SHANK2: variants seen among roughly 807,000 people sequenced by gnomAD.
The protein encoded by SHANK2 is SH3 and multiple ankyrin repeat domains 2, also known as SH3 and multiple ankyrin repeat domains protein 2.
A neutral mutation model predicts 133.7 loss-of-function variants in SHANK2; 43 were observed. The observed-to-expected ratio is 0.32, with a 90% CI of 0.25 to 0.41. SHANK2 has a LOEUF of 0.41. SHANK2 is among the 10% of genes least tolerant of loss of function. The pLI, the probability that SHANK2 is intolerant of heterozygous loss-of-function variation, is 1.00. For missense variants in SHANK2, 1,994 were observed against 2,235.8 expected (o/e 0.89, Z 2.18); for synonymous variants, 1,017 against 952.8 (o/e 1.07, Z -1.24).
At chr11:70,910,600 G>A (rs1402533453) in intron 10 of SHANK2, among the ~76,000 whole-genome samples, 1 of 152,164 alleles carries the variant, frequency 6.6e-6, no homozygotes, top group Non-Finnish European at 1.5e-5. Context: ...TTGAGGTCAG[G>A]AGTTCGAGAC....
chr11:70,574,708 G>T (rs2060093706), intron 17 of SHANK2, among the ~76,000 whole-genome samples: 1 of 152,128 alleles, frequency 6.6e-6, no homozygotes, highest in South Asian at 2.1e-4. Flanking sequence ...TGTGCACTGG[G>T]GACCAGGCCG....
chr11:70,737,989 C>T (rs1477764912), intron 14 of SHANK2, among the ~76,000 whole-genome samples: 3 of 152,262 alleles, frequency 2.0e-5, no homozygotes, highest in African/African-American at 7.2e-5. Flanking sequence ...TGGGCCCAGG[C>T]CTCATGATGC....
At chr11:70,606,825 C>T (rs1457932060) in intron 17 of SHANK2, among the ~76,000 whole-genome samples, 1 of 152,172 alleles carries the variant, frequency 6.6e-6, no homozygotes, top group East Asian at 1.9e-4. Flanking sequence ...CAGGAAGATA[C>T]GGAAGGGAGG....
chr11:70,738,777 C>T (rs1241257555), intron 14 of SHANK2, among the ~76,000 whole-genome samples: 1 of 152,206 alleles, frequency 6.6e-6, no homozygotes, highest in African/African-American at 2.4e-5. Flanking sequence ...AGAAGCCGCC[C>T]GCCTCTTTGG....
intron 1 of SHANK2, among the ~76,000 whole-genome samples, chr11:71,238,560 A>G (rs986203029): frequency 6.6e-5 from 10 of 151,668 alleles, no homozygotes; most frequent in African/African-American, 2.4e-4. Flanking sequence ...TGAACCCAAC[A>G]CTCCCCAAAG....
chr11:70,499,076 C>A (rs2059013413), intron 21 of SHANK2, among the ~76,000 whole-genome samples: 1 of 152,232 alleles, frequency 6.6e-6, no homozygotes, highest in African/African-American at 2.4e-5. Context: ...GCCAGTCCTC[C>A]CAGAGACAGG....
intron 17 of SHANK2, among the ~76,000 whole-genome samples, chr11:70,574,105 G>A (rs141235193): frequency 4.1e-4 from 63 of 152,342 alleles, no homozygotes; most frequent in African/African-American, 1.2e-3. Flanking sequence ...TGGAGAACTC[G>A]GCCAGTTCCT....
At chr11:70,683,662 A>G (rs782568919) in intron 15 of SHANK2, among the ~76,000 whole-genome samples, 4 of 151,120 alleles carry the variant, frequency 2.6e-5, no homozygotes, top group African/African-American at 4.9e-5. Flanking sequence ...CAGGGGAGGA[A>G]CCCTCCTTGC....
At chr11:70,917,870 G>C (rs187831885) in intron 10 of SHANK2, among the ~76,000 whole-genome samples, 15 of 152,260 alleles carry the variant, frequency 9.9e-5, no homozygotes, top group Admixed American at 9.2e-4. Flanking sequence ...TGGAGGGTGA[G>C]AGGAGGGAGA....
rs1565513910 is a variant in SHANK2, at chr11:70,470,181, A to AC, written c.*2687_*2688insG. On this transcript the variant is annotated 3_prime_UTR_variant, in exon 26 of 26. Transcript: ENST00000601538. ...AGTACCAAAATAAGCAGATAGAGAT[A>AC]GAGACCGATTCATCTTGGCAACATG... The AC allele has an allele frequency of 1.3e-5, 2 of 152,654 alleles. No homozygotes were observed. Among genetic ancestry groups the AC allele is most frequent in the Admixed American group, 1.3e-4 (2 of 15,296 alleles). 9.5% of individuals were successfully genotyped at this position (152,654 alleles called of 1,614,324 possible).
At chr11:71,133,413 G>A (rs12420527) in intron 3 of SHANK2, among the ~76,000 whole-genome samples, 42,839 of 100,464 alleles carry the variant, frequency 0.43, 10,469 homozygotes, top group East Asian at 0.59. Context: ...GGGAAGGATG[G>A]ATGGACAGAT....
At chr11:70,834,694 T>G (rs1555059546) in intron 11 of SHANK2, among the ~76,000 whole-genome samples, 1 of 152,178 alleles carries the variant, frequency 6.6e-6, no homozygotes, top group Non-Finnish European at 1.5e-5. Flanking sequence ...TAACACAAGA[T>G]ATAAAAAGGC....
At chr11:70,502,138 G>T in intron 19 of SHANK2, 68 bp downstream of exon 19, 1 of 1,500,630 alleles carries the variant, frequency 6.7e-7, no homozygotes, top group Non-Finnish European at 9.1e-7. Flanking sequence ...ACAGCCTGGT[G>T]CTTTGCAAAG....
At position 70,804,890 on chromosome 11, in the gene SHANK2, C is replaced by T. The variant is rs1555051522; in HGVS notation, c.1663+2112G>A. On this transcript the variant is annotated intron_variant, in intron 13 of 25. Transcript: ENST00000601538. The surrounding 1 kb of genome is among the most constrained non-coding windows in gnomAD (Gnocchi z 4.1). ...GCTCCCCCTCTCCCTTGAGCTCCTG[C>T]TCATCCATGCTGCTACTCAGGGTCC... Among the ~76,000 whole-genome samples the T allele has an allele frequency of 6.6e-6, 1 of 152,190 alleles. No homozygotes were observed. The highest frequency in any genetic ancestry group is 1.5e-5 in the Non-Finnish European group (1 of 68,020).
At chr11:70,588,705 G>A (rs75119648) in intron 17 of SHANK2, among the ~76,000 whole-genome samples, 3,894 of 152,332 alleles carry the variant, frequency 0.026, 181 homozygotes, top group African/African-American at 0.09. Context: ...ACGTAAACAC[G>A]CAAGGCAAAG....
chr11:71,187,528 G>A (rs1474478719), intron 2 of SHANK2, among the ~76,000 whole-genome samples: 1 of 151,942 alleles, frequency 6.6e-6, no homozygotes, highest in Non-Finnish European at 1.5e-5. Flanking sequence ...ATTCAGGACA[G>A]TTCATGGGTT....
rs1953412708 is a variant in SHANK2 at position 71,175,471 on chromosome 11, A to AGG, written c.-12-28135_-12-28134dup. Among the ~76,000 whole-genome samples the AGG allele has an allele frequency of 6.6e-6, 1 of 151,436 alleles. No homozygotes were observed. The highest frequency in any genetic ancestry group is 2.4e-5 in the African/African-American group (1 of 41,224). On this transcript the variant is annotated intron_variant, in intron 2 of 25. Transcript: ENST00000601538. This position sits in a 1 kb window ranked among gnomAD's most constrained non-coding sequence, Gnocchi z 4.2. ...GGAGAGGAGGGGGAGAAATAGACCA[A>AGG]GGCTGGTGAAAGAGAAGTGGGGACA...
At chr11:70,756,685 A>G (rs1946879970) in intron 14 of SHANK2, among the ~76,000 whole-genome samples, 1 of 152,178 alleles carries the variant, frequency 6.6e-6, no homozygotes, top group Non-Finnish European at 1.5e-5. Context: ...TGCTGAGGGC[A>G]GGGCCTCGGC....
At chr11:70,537,566 C>T (rs1265953369) in intron 17 of SHANK2, among the ~76,000 whole-genome samples, 1 of 152,266 alleles carries the variant, frequency 6.6e-6, no homozygotes, top group Middle Eastern at 3.4e-3. Flanking sequence ...TGGGATGGCA[C>T]GGGGCCCTGC....
Sources: gnomAD v4.1 joint callset for allele counts (sites outside exome capture counted in the v4.1 genomes callset) on GRCh38, gnomAD v4.1.1 for gene constraint, Gnocchi (gnomAD v3.1) non-coding constraint, MANE v1.5 for transcripts, NCBI Gene and HGNC (gene_info 2026-07-23, HGNC 2026-07-21) for gene names.